Variants in ALK observed in about 807,000 individuals in gnomAD.
The protein encoded by ALK is ALK receptor tyrosine kinase, also known as ALK tyrosine kinase receptor.
A neutral mutation model predicts 163.1 loss-of-function variants in ALK; 74 were observed. That is an observed-to-expected ratio of 0.45 (90% CI 0.38 to 0.55). The LOEUF (loss-of-function observed/expected upper bound fraction) is 0.55, where lower values mean the gene tolerates loss of function less well. Among genes scored for constraint, ALK ranks in the 20% least tolerant of loss-of-function variants. The probability of loss-of-function intolerance (pLI) is 0.00; values close to 1 mark genes in which losing one functional copy is unlikely to be tolerated. For synonymous variants in ALK, 960 were observed against 843.2 expected (o/e 1.14, Z -2.40); for missense variants, 2,063 against 2,105.3 (o/e 0.98, Z 0.39).
chr2:29,408,666 C>A (rs569850961), intron 4 of ALK, among the ~76,000 whole-genome samples: 1 of 152,332 alleles, frequency 6.6e-6, no homozygotes, highest in African/African-American at 2.4e-5. Context: ...CCATGATATG[C>A]GCTGATGATC....
chr2:29,300,166 G>A (rs4665453), intron 8 of ALK, among the ~76,000 whole-genome samples: 134,925 of 152,054 alleles, frequency 0.89, 61,300 homozygotes, highest in Non-Finnish European at 0.99. Context: ...GCCTAAGAGG[G>A]AGGTAAATAG....
In ALK at chr2:29,651,707, G is replaced by A. The variant is rs181561519; in HGVS notation, c.952+43143C>T. 9.3e-4 allele frequency among the ~76,000 whole-genome samples: 142 copies of A among 152,224 alleles called. 1 individual carries two copies. The highest frequency in any genetic ancestry group is 4.1e-4 in the South Asian group (2 of 4,822). The stretch of plus-strand genomic sequence containing the variant: ...GTCGTGTAGTGACAACTTGAGAGTC[G>A]TTCTCAGGGGTCCTGCCTCATCCAG... On this transcript the variant is annotated intron_variant, in intron 3 of 28. Coordinates refer to ENST00000389048, the MANE Select transcript of ALK (RefSeq NM_004304.5).
At chr2:29,406,132 A>C (rs1386847938) in intron 4 of ALK, among the ~76,000 whole-genome samples, 2 of 152,246 alleles carry the variant, frequency 1.3e-5, no homozygotes, top group Non-Finnish European at 2.9e-5. Flanking sequence ...GCCCAGAGTG[A>C]CATTTCTCCA....
chr2:29,686,794 G>C (rs1256349396), intron 3 of ALK, among the ~76,000 whole-genome samples: 1 of 152,160 alleles, frequency 6.6e-6, no homozygotes, highest in Non-Finnish European at 1.5e-5. Flanking sequence ...ATACTTCCCT[G>C]GAAGGTCCAC....
chr2:29,782,755 C>T (rs1663869296), intron 1 of ALK, among the ~76,000 whole-genome samples: 1 of 152,186 alleles, frequency 6.6e-6, no homozygotes, highest in Non-Finnish European at 1.5e-5. Context: ...AAGTGAAAAG[C>T]TTCAAATGCC....
chr2:29,556,273 T>C (rs1673856807), intron 3 of ALK, among the ~76,000 whole-genome samples: 1 of 152,174 alleles, frequency 6.6e-6, no homozygotes, highest in African/African-American at 2.4e-5. Context: ...GTTTCTAAAG[T>C]GTCTATGAAA....
At chr2:29,761,201 A>G (rs1044715768) in intron 1 of ALK, among the ~76,000 whole-genome samples, 1 of 152,184 alleles carries the variant, frequency 6.6e-6, no homozygotes, top group South Asian at 2.1e-4. Context: ...GTTGCATTAG[A>G]ACCAAGCAGC....
At chr2:29,533,793 T>C (rs576212775) in intron 3 of ALK, among the ~76,000 whole-genome samples, 2 of 152,298 alleles carry the variant, frequency 1.3e-5, no homozygotes, top group African/African-American at 2.4e-5. Flanking sequence ...GGTGCACAGA[T>C]GTCTGCAAGA....
At chr2:29,539,302 T>A (rs538605469) in intron 3 of ALK, among the ~76,000 whole-genome samples, 2 of 152,330 alleles carry the variant, frequency 1.3e-5, no homozygotes, top group Middle Eastern at 3.4e-3. Context: ...GAATTCTCTC[T>A]CTTGCATTGT....
At chr2:29,230,289 CTT>C (rs5830106) in intron 15 of ALK, among the ~76,000 whole-genome samples, 229 of 138,862 alleles carry the variant, frequency 1.6e-3, no homozygotes, top group East Asian at 3.3e-3. Flanking sequence ...ACACAATCAT[CTT>C]TTTTTTTTTT....
intron 9 of ALK, among the ~76,000 whole-genome samples, chr2:29,276,540 G>A (rs151087606): frequency 1.1e-3 from 163 of 152,230 alleles, no homozygotes; most frequent in African/African-American, 3.5e-3. Context: ...AGAACAGGGC[G>A]TGGTCTCTGG....
intron 5 of ALK, among the ~76,000 whole-genome samples, chr2:29,340,850 G>T (rs1010816299): frequency 6.6e-6 from 1 of 152,080 alleles, no homozygotes; most frequent in Admixed American, 6.6e-5. Context: ...CTCTGCCTTG[G>T]CCTCTAATCC....
At position 29,222,561 on chromosome 2, in the gene ALK, A is replaced by C. The variant is rs1669834540; in HGVS notation, c.3406T>G (p.Ser1136Ala). ...AFGEVYEGQV[S>A]GMPNDPSPLQ... Reference sequence around the variant, plus strand: ...GGGCTTGGGTCGTTGGGCATTCCGGACACCTGGCCTTCATACACCTCCCCA... The same window carrying C: ...GGGCTTGGGTCGTTGGGCATTCCGGCCACCTGGCCTTCATACACCTCCCCA... The change falls in exon 21 of 29, where the codon TCC (serine) becomes GCC (alanine). Residue 1136 changes from serine (S) to alanine (A), a missense_variant. Transcript: ENST00000389048. The C allele has an allele frequency of 6.2e-7, 1 of 1,614,010 alleles. No homozygotes were observed. The highest frequency in any genetic ancestry group is 8.5e-7 in the Non-Finnish European group (1 of 1,180,012).
chr2:29,390,924 A>T (rs1218731823), intron 4 of ALK, among the ~76,000 whole-genome samples: 2 of 152,224 alleles, frequency 1.3e-5, no homozygotes, highest in African/African-American at 4.8e-5. Flanking sequence ...CCCACAAGTT[A>T]GATGAATGTG....
intron 4 of ALK, among the ~76,000 whole-genome samples, chr2:29,404,487 T>C (rs1407241020): frequency 6.6e-6 from 1 of 152,146 alleles, no homozygotes; most frequent in East Asian, 1.9e-4. Flanking sequence ...TACATCAATG[T>C]GTAGCAACTG....
intron 1 of ALK, among the ~76,000 whole-genome samples, chr2:29,786,076 A>G (rs547641438): frequency 2.9e-4 from 44 of 152,162 alleles, no homozygotes; most frequent in Non-Finnish European, 6.3e-4. Flanking sequence ...TCAGGCACAC[A>G]ATGAAGAAAA....
chr2:29,293,951 C>T (rs1666110200), intron 9 of ALK, among the ~76,000 whole-genome samples: 1 of 152,088 alleles, frequency 6.6e-6, no homozygotes, highest in South Asian at 2.1e-4. Context: ...AACCTGGGAG[C>T]AGAGGTGATT....
chr2:29,589,055 T>G (rs1302191440), intron 3 of ALK, among the ~76,000 whole-genome samples: 1 of 152,208 alleles, frequency 6.6e-6, no homozygotes, highest in Non-Finnish European at 1.5e-5. Context: ...ACATGAGGTC[T>G]GAGAGCTTTA....
At chr2:29,393,576 C>T (rs1299712057) in intron 4 of ALK, among the ~76,000 whole-genome samples, 4 of 152,232 alleles carry the variant, frequency 2.6e-5, no homozygotes, top group African/African-American at 9.6e-5. Flanking sequence ...CCATCCCCTT[C>T]TGCAATGGCT....
Sources: gnomAD v4.1 joint callset for allele counts (sites outside exome capture counted in the v4.1 genomes callset) on GRCh38, gnomAD v4.1.1 for gene constraint, MANE v1.5 for transcripts, NCBI Gene and HGNC (gene_info 2026-07-23, HGNC 2026-07-21) for gene names.